The following GPC5 variants were observed in gnomAD, a reference collection of about 807,000 sequenced individuals.
The protein encoded by GPC5 is glypican 5.
Under a neutral mutation model 53.9 loss-of-function variants are expected in GPC5, and 47 were observed. The ratio of observed to expected loss-of-function variants is 0.87; its 90% CI spans 0.69 to 1.11. GPC5 has a LOEUF of 1.11. GPC5 is among the 50% of genes most tolerant of loss of function. The pLI is 0.00. For missense variants in GPC5, 748 were observed against 713.1 expected (o/e 1.05, Z -0.56); for synonymous variants, 286 against 263.3 (o/e 1.09, Z -0.84).
chr13:92,671,817 A>G (rs1399593005), intron 7 of GPC5, among the ~76,000 whole-genome samples: 1 of 152,218 alleles, frequency 6.6e-6, no homozygotes, highest in Non-Finnish European at 1.5e-5. Flanking sequence ...CCTGTAGACG[A>G]TTGAGAGTGG....
intron 7 of GPC5, among the ~76,000 whole-genome samples, chr13:92,715,134 G>A (rs1410364348): frequency 6.6e-6 from 1 of 152,128 alleles, no homozygotes; most frequent in Non-Finnish European, 1.5e-5. Context: ...CTCAGATTTT[G>A]TACGTATACA....
chr13:92,671,065 A>G (rs1294081123), intron 7 of GPC5, among the ~76,000 whole-genome samples: 2 of 152,178 alleles, frequency 1.3e-5, no homozygotes, highest in Admixed American at 6.5e-5. Flanking sequence ...AGTGCTGTAG[A>G]TCCTAAGATG....
At chr13:92,558,618 G>A (rs920376491) in intron 7 of GPC5, among the ~76,000 whole-genome samples, 4 of 151,872 alleles carry the variant, frequency 2.6e-5, no homozygotes, top group African/African-American at 4.8e-5. Flanking sequence ...TCAGAATATC[G>A]CTGGGGTAAG....
intron 7 of GPC5, among the ~76,000 whole-genome samples, chr13:92,816,161 A>ATACACTTT (rs1240713619): frequency 6.6e-6 from 1 of 152,072 alleles, no homozygotes; most frequent in African/African-American, 2.4e-5. Context: ...TTCAAGAGGA[A>ATACACTTT]TACACTTTCT....
At chr13:92,709,964 T>C (rs1888079629) in intron 7 of GPC5, among the ~76,000 whole-genome samples, 1 of 152,282 alleles carries the variant, frequency 6.6e-6, no homozygotes, top group Non-Finnish European at 1.5e-5. Context: ...ACTGAATTTG[T>C]TCAAAATGGA....
intron 7 of GPC5, among the ~76,000 whole-genome samples, chr13:92,330,452 G>A (rs994693441): frequency 1.4e-4 from 22 of 151,940 alleles, no homozygotes; most frequent in African/African-American, 4.8e-4. Context: ...CATGTATATT[G>A]TTATCCTTAT....
chr13:92,556,608 G>A lies in GPC5; in HGVS notation c.1562-309674G>A, dbSNP rs1362670998. Among the ~76,000 whole-genome samples the A allele has an allele frequency of 2.0e-5, 3 of 151,740 alleles. No homozygotes were observed. In the East Asian group the frequency reaches 5.9e-4, roughly 30 times the overall value. ...ACCCAGTCTCAATATAAATGTGATA[G>A]GTGCTCTTTCTTAACAAGCAAAAGA... On this transcript the variant is annotated intron_variant, in intron 7 of 7. Coordinates refer to ENST00000377067, the MANE Select transcript of GPC5 (RefSeq NM_004466.6).
At chr13:92,839,567 T>A (rs995407187) in intron 7 of GPC5, among the ~76,000 whole-genome samples, 1 of 152,128 alleles carries the variant, frequency 6.6e-6, no homozygotes, top group Non-Finnish European at 1.5e-5. Context: ...GATTTTCTGT[T>A]CCTGTGTTAG....
intron 6 of GPC5, among the ~76,000 whole-genome samples, chr13:91,969,791 A>G (rs12875623): frequency 1.1e-4 from 17 of 152,202 alleles, no homozygotes; most frequent in Non-Finnish European, 2.4e-4. Context: ...CATCAGAAAA[A>G]TTCAGATCAA....
At chr13:92,155,897 T>G (rs2041941589) in intron 7 of GPC5, among the ~76,000 whole-genome samples, 1 of 152,318 alleles carries the variant, frequency 6.6e-6, no homozygotes, top group African/African-American at 2.4e-5. Context: ...ACATCTTGAT[T>G]GTGTGCTTAC....
intron 7 of GPC5, among the ~76,000 whole-genome samples, chr13:92,551,263 A>G (rs1307817391): frequency 3.4e-4 from 51 of 151,622 alleles, no homozygotes; most frequent in Non-Finnish European, 3.0e-5. Context: ...GACAATTGCC[A>G]TAGACACTGG....
chr13:92,756,721 C>A, intron 7 of GPC5, among the ~76,000 whole-genome samples: 2 of 143,054 alleles, frequency 1.4e-5, no homozygotes, highest in East Asian at 2.1e-4. Flanking sequence ...TGAGTGAACT[C>A]CCATTCACAA....
chr13:92,656,158 T>G (rs1244830243), intron 7 of GPC5, among the ~76,000 whole-genome samples: 2 of 152,194 alleles, frequency 1.3e-5, no homozygotes, highest in African/African-American at 4.8e-5. Context: ...AGGATAAAAT[T>G]TGTTGTTTAG....
chr13:92,503,529 G>A (rs1307264848), intron 7 of GPC5, among the ~76,000 whole-genome samples: 1 of 151,202 alleles, frequency 6.6e-6, no homozygotes, highest in African/African-American at 2.4e-5. Context: ...GCAGAAGTAA[G>A]AGAATAAGAA....
At chr13:92,287,370 G>A (rs2042963417) in intron 7 of GPC5, among the ~76,000 whole-genome samples, 1 of 152,036 alleles carries the variant, frequency 6.6e-6, no homozygotes, top group Non-Finnish European at 1.5e-5. Flanking sequence ...TGTCTGTAAG[G>A]TCTACTTTGC....
chr13:91,955,018 T>C (rs1211309150), intron 6 of GPC5, among the ~76,000 whole-genome samples: 5 of 152,134 alleles, frequency 3.3e-5, no homozygotes, highest in African/African-American at 1.2e-4. Flanking sequence ...TAGGAATTAA[T>C]CTAACTGAAG....
intron 5 of GPC5, among the ~76,000 whole-genome samples, chr13:91,830,889 AAT>A (rs1006642721): frequency 1.2e-4 from 15 of 126,704 alleles, no homozygotes; most frequent in African/African-American, 3.0e-4. Flanking sequence ...TATTATATAT[AAT>A]ATATATATCC....
At chr13:92,408,221 G>A (rs1411099990) in intron 7 of GPC5, among the ~76,000 whole-genome samples, 3 of 152,182 alleles carry the variant, frequency 2.0e-5, no homozygotes, top group Admixed American at 2.0e-4. Flanking sequence ...CTGATGATCT[G>A]TCACTGTCTC....
chr13:92,036,251 A>G (rs1488055505), intron 6 of GPC5, among the ~76,000 whole-genome samples: 1 of 152,158 alleles, frequency 6.6e-6, no homozygotes, highest in African/African-American at 2.4e-5. Flanking sequence ...CAGCATTGCT[A>G]TTTATCTGTT....
Sources: gnomAD v4.1 joint callset for allele counts (sites outside exome capture counted in the v4.1 genomes callset) on GRCh38, gnomAD v4.1.1 for gene constraint, MANE v1.5 for transcripts, NCBI Gene and HGNC (gene_info 2026-07-23, HGNC 2026-07-21) for gene names.